The following INTS1 variants were observed in gnomAD, a reference collection of about 807,000 sequenced individuals.
The protein encoded by INTS1 is integrator complex subunit 1.
Under a neutral mutation model 241.6 loss-of-function variants are expected in INTS1, and 137 were observed. That is an observed-to-expected ratio of 0.57 (90% CI 0.49 to 0.65). The LOEUF is 0.65. Among genes scored for constraint, INTS1 ranks in the 30% least tolerant of loss-of-function variants. INTS1 has a pLI of 0.00. For synonymous variants in INTS1, 1,692 were observed against 1,337.8 expected (o/e 1.26, Z -5.78); for missense variants, 3,073 against 3,032.2 (o/e 1.01, Z -0.32).
chr7:1,489,595 G>A lies in INTS1; in HGVS notation c.2253C>T (p.Asn751=), dbSNP rs903229055. The A allele has an allele frequency of 6.3e-7, 1 of 1,580,728 alleles. No homozygotes were observed. Among genetic ancestry groups the A allele is most frequent in the African/African-American group, 1.3e-5 (1 of 74,366 alleles). ...GGGCGGCCAGCAGAGGCTCACCGAT[G>A]TTCTCTGGGTTGAATGCGGCGACGA... ...LLVVAAFNPE[N]IGLAAWEEYP... Residue 751 remains asparagine (N), a synonymous_variant, in exon 17 of 48, where the codon AAC becomes AAT. Coordinates refer to ENST00000404767, the MANE Select transcript of INTS1 (RefSeq NM_001080453.3).
At position 1,487,438 on chromosome 7, in the gene INTS1, C is replaced by T. The variant is rs767253574; in HGVS notation, c.2528G>A (p.Arg843Gln). 8 of 1,610,812 alleles carry T rather than the reference C, an allele frequency of 5.0e-6. No individual in the cohort carries two copies. The highest frequency in any genetic ancestry group is 2.7e-5 in the African/African-American group (2 of 74,838). ...LTSLDPQGPP[R>Q]RPPPHILDQV... ...ATCCAGGATGTGAGGGGGAGGCCTC[C>T]GGGGGGGCCCCCTGAGGGCCACAGG... The change falls in exon 20 of 48, where the codon CGG becomes CAG. Residue 843 changes from arginine to glutamine, a missense_variant. By Grantham distance (43) the Arg-to-Gln change is conservative. Transcript: ENST00000404767.
intron 26 of INTS1, chr7:1,482,968 C>A: frequency 2.0e-6 from 1 of 496,876 alleles, no homozygotes; most frequent in Non-Finnish European, 3.6e-6. Flanking sequence ...TGTGCGTGTC[C>A]CCATCCAGCC....
In INTS1 at chr7:1,476,036, TGCA is replaced by T; in HGVS notation, c.5411_5413del (p.Leu1804del). 2 of 1,545,624 alleles carry T rather than the reference TGCA, an allele frequency of 1.3e-6. No individual in the cohort carries two copies. Among genetic ancestry groups the T allele is most frequent in the Non-Finnish European group, 1.7e-6 (2 of 1,146,544 alleles). On this transcript the variant is annotated inframe_deletion, in exon 39 of 48. Coordinates refer to ENST00000404767, the MANE Select transcript of INTS1 (RefSeq NM_001080453.3). The stretch of plus-strand genomic sequence containing the variant: ...CAGCTCCGGCCGCTGTAGGTAGAGC[TGCA>T]GGAGAAGGTCTCGGCAGCGCCTGCC...
chr7:1,498,943 G>GGCCCCCCCCCCCCCCCC, intron 8 of INTS1, 32 bp downstream of exon 8: 2 of 1,070,726 alleles, frequency 1.9e-6, no homozygotes, highest in Non-Finnish European at 2.5e-6. Flanking sequence ...CCCACCCCCT[G>GGCCCCCCCCCCCCCCCC]CCCCGCCCAC....
chr7:1,494,810 A>C lies in INTS1; in HGVS notation c.1910+6T>G. 1 of 1,559,246 alleles carries C rather than the reference A, an allele frequency of 6.4e-7. No homozygotes were observed. The highest frequency in any genetic ancestry group is 8.7e-7 in the Non-Finnish European group (1 of 1,152,736). ...ACACAGGAGCCCCAGGCGGCAGCGC[A>C]CTCACTTGCGGTCACTCTCGGGTGG... On this transcript the variant is annotated splice_donor_region_variant and intron_variant, in intron 14 of 47. Transcript: ENST00000404767.
In INTS1 at chr7:1,498,642, GCCCACACCCCCA is replaced by G. The variant is rs1205162107; in HGVS notation, c.1283+53_1283+64del. Reference sequence around the variant, plus strand: ...CCCACTCCGCCCGCACCCCCGCTCCGCCCACACCCCCACCCACACCCCCACTCCACCCGCACC... The same window carrying G: ...CCCACTCCGCCCGCACCCCCGCTCCGCCCACACCCCCACTCCACCCGCACC... On this transcript the variant is annotated intron_variant, in intron 9 of 47. Transcript: ENST00000404767. 3.4e-4 allele frequency: 160 copies of G among 470,462 alleles called. No individual in the cohort carries two copies. In the African/African-American group the frequency reaches 4.7e-3, roughly 14 times the overall value. The allele number at this position is 470,462 out of a possible 1,614,324, so 29.1% of individuals were successfully genotyped here.
chr7:1,499,794 T>C (rs1783066503), intron 5 of INTS1, 90 bp downstream of exon 5: 1 of 1,507,742 alleles, frequency 6.6e-7, no homozygotes, highest in African/African-American at 1.4e-5. Flanking sequence ...GACACAGCCC[T>C]CTGGAGAGAA....
chr7:1,504,122 G>A, intron 1 of INTS1, 121 bp from the exon 2 acceptor site: 1 of 585,988 alleles, frequency 1.7e-6, no homozygotes, highest in Non-Finnish European at 2.9e-6. Context: ...GCGCCCGCCC[G>A]GCGGGGCGAT....
rs1254582265 is a variant in INTS1 at position 1,499,513 on chromosome 7, C to T, written c.804G>A (p.Leu268=). 2.5e-6 allele frequency: 4 copies of T among 1,611,464 alleles called. No individual in the cohort carries two copies. The highest frequency in any genetic ancestry group is 3.4e-6 in the Non-Finnish European group (4 of 1,178,912). Residue 268 remains leucine (L), a synonymous_variant, in exon 6 of 48, where the codon CTG becomes CTA. Coordinates refer to ENST00000404767, the MANE Select transcript of INTS1 (RefSeq NM_001080453.3). ...CCGCAACGCGGCCCGCCTCCCCCTG[C>T]AGCAGCACGCTCCTGGGGGGCATTC... is the stretch of plus-strand genomic sequence containing the variant. ...NTRMPPRSVL[L]QGEAGRVAGD...
intron 3 of INTS1, among the ~76,000 whole-genome samples, chr7:1,502,235 T>C (rs1783219485): frequency 6.6e-6 from 1 of 151,936 alleles, no homozygotes; most frequent in Admixed American, 6.6e-5. Context: ...AACAAAACAC[T>C]GCAGACCATG....
chr7:1,474,365 G>T lies in INTS1; in HGVS notation c.5637-5C>A. On this transcript the variant is annotated splice_polypyrimidine_tract_variant and splice_region_variant and intron_variant, in intron 40 of 47. Coordinates refer to ENST00000404767, the MANE Select transcript of INTS1 (RefSeq NM_001080453.3). Reference sequence around the variant, plus strand: ...GCCGCGATCATGGGCAGGTGCCTGCGGGCGCGGTGAGGGCCCAGTCAGCCC... The same window carrying T: ...GCCGCGATCATGGGCAGGTGCCTGCTGGCGCGGTGAGGGCCCAGTCAGCCC... The T allele has an allele frequency of 6.3e-7, 1 of 1,584,006 alleles. No homozygotes were observed.
rs1350996661 is a variant in INTS1 at position 1,477,910 on chromosome 7, A to C, written c.4657T>G (p.Ser1553Ala). The C allele has an allele frequency of 6.2e-7, 1 of 1,612,246 alleles. No individual in the cohort carries two copies. The highest frequency in any genetic ancestry group is 1.3e-5 in the African/African-American group (1 of 74,864). Reference protein sequence around the residue: ...KVLQGLIEVRSPHLEELLTAF... With the variant: ...KVLQGLIEVRAPHLEELLTAF... ...GTCAGCAGCTCCTCCAGGTGGGGGG[A>C]CCTCACCTCGATCAGCCCCTGGAGG... Residue 1553 changes from serine (S) to alanine (A), a missense_variant, in exon 34 of 48, where the codon TCC becomes GCC. Transcript: ENST00000404767.
Position 1,499,358 on chromosome 7 carries a change from T to A in INTS1, c.847A>T (p.Ser283Cys). Residue 283 changes from serine to cysteine, a missense_variant and splice_region_variant, in exon 7 of 48, where the codon AGC (serine) becomes TGC (cysteine). Coordinates refer to ENST00000404767, the MANE Select transcript of INTS1 (RefSeq NM_001080453.3). The stretch of plus-strand genomic sequence containing the variant: ...TCCGTGAGGGAGGGGTGTGGGCTGC[T>A]CCCTGCAAACCAAGGAGAGGGCTCC... ...GRVAGDLGAG[S>C]SPHPSLTEEE... The A allele has an allele frequency of 6.3e-7, 1 of 1,578,000 alleles. No individual in the cohort carries two copies. The highest frequency in any genetic ancestry group is 8.6e-7 in the Non-Finnish European group (1 of 1,159,868).
chr7:1,482,187 C>T (rs1336897569), intron 27 of INTS1: 2 of 196,614 alleles, frequency 1.0e-5, no homozygotes, highest in South Asian at 1.8e-4. Flanking sequence ...TCCCCGGCTG[C>T]AGCTCCAACC....
chr7:1,478,607 C>T (rs1275912701), intron 32 of INTS1, 101 bp from the exon 33 acceptor site: 16 of 1,499,542 alleles, frequency 1.1e-5, no homozygotes, highest in African/African-American at 2.8e-5. Context: ...CCTGGGCCCA[C>T]GCGGGTACCC....
chr7:1,494,483 CA>C (rs1268524021), intron 14 of INTS1: 1 of 417,560 alleles, frequency 2.4e-6, no homozygotes, highest in Non-Finnish European at 4.5e-6. Context: ...TGGACAGAAG[CA>C]GGGGCAGACG....
At position 1,487,301 on chromosome 7, in the gene INTS1, C is replaced by T. The variant is rs768849623; in HGVS notation, c.2646+19G>A. 3.8e-6 allele frequency: 6 copies of T among 1,574,760 alleles called. No individual in the cohort carries two copies. In the East Asian group the frequency reaches 7.0e-5, roughly 18 times the overall value. On this transcript the variant is annotated intron_variant, in intron 20 of 47. Coordinates refer to ENST00000404767, the MANE Select transcript of INTS1 (RefSeq NM_001080453.3). ...CTCCCAAGACCACCATCTCTACCTC[C>T]TGGAGCCTCGGCACTCACCTGCCGC...
rs891629547 is a variant in INTS1 at position 1,486,713 on chromosome 7, G to A, written c.2888C>T (p.Ala963Val). Residue 963 changes from alanine (A) to valine (V), a missense_variant, in exon 22 of 48, where the codon GCT becomes GTT. Ala to Val is a moderately conservative substitution (Grantham distance 64). Transcript: ENST00000404767. ...RLQDLLLGPK[A>V]DEQTTCEVLD... The stretch of plus-strand genomic sequence containing the variant: ...CACCTCACACGTGGTCTGCTCATCA[G>A]CCTTCGGGCCCAGTAGCAGGTCCTG... 6.2e-7 allele frequency: 1 copy of A among 1,612,726 alleles called. No individual in the cohort carries two copies. The highest frequency in any genetic ancestry group is 8.5e-7 in the Non-Finnish European group (1 of 1,179,826).
In INTS1 at chr7:1,480,805, C is replaced by T. The variant is rs1270388171; in HGVS notation, c.3949+30G>A. On this transcript the variant is annotated intron_variant, in intron 29 of 47. Transcript: ENST00000404767. ...GGCCCCACCCCTCCCCAGGCTGGGT[C>T]TCTGTGCTGGCCCCACCCCTCCCCA... The T allele has an allele frequency of 2.6e-6, 4 of 1,515,796 alleles. No homozygotes were observed. In the East Asian group the frequency reaches 9.8e-5, roughly 37 times the overall value. The allele number at this position is 1,515,796 out of a possible 1,614,324, so 93.9% of individuals were successfully genotyped here. A position where few individuals can be genotyped will look rare whatever the true frequency, so the allele number is the denominator to read the frequency against.
Sources: allele counts gnomAD v4.1 joint callset (sites outside exome capture counted in the v4.1 genomes callset), GRCh38; gene constraint gnomAD v4.1.1; transcripts MANE v1.5; gene names NCBI Gene and HGNC (gene_info 2026-07-23, HGNC 2026-07-21).